ERN2: variants seen among roughly 807,000 people sequenced by gnomAD.
The protein encoded by ERN2 is serine/threonine-protein kinase/endoribonuclease IRE2.
ERN2 carries 111 observed loss-of-function variants against 107.9 expected under a neutral mutation model. The observed-to-expected ratio is 1.03, with a 90% CI of 0.88 to 1.20. The LOEUF is 1.20. Among genes scored for constraint, ERN2 ranks in the 50% most tolerant of loss-of-function variants. ERN2 has a pLI of 0.00. For synonymous variants in ERN2, 524 were observed against 501.7 expected, an observed-to-expected ratio of 1.04 and a Z score of -0.59; for missense variants, 1,225 against 1,197.9, an observed-to-expected ratio of 1.02 and a Z score of -0.33.
chr16:23,691,239 T>C lies in ERN2; in HGVS notation c.2501-43A>G, dbSNP rs762844409. The C allele has an allele frequency of 1.9e-6, 3 of 1,611,904 alleles. No individual in the cohort carries two copies. The South Asian group carries it at 3.3e-5, about 18-fold the overall frequency. On this transcript the variant is annotated intron_variant, in intron 20 of 21. Transcript: ENST00000256797. Reference sequence around the variant, plus strand: ...AGTGGCAAAACCGTCCCTGCTAGACTCCCCTCCACCGCCCAGGCCCACTCC... The same window carrying C: ...AGTGGCAAAACCGTCCCTGCTAGACCCCCCTCCACCGCCCAGGCCCACTCC...
intron 4 of ERN2, 34 bp from the exon 5 acceptor site, chr16:23,707,113 A>G: frequency 6.7e-7 from 1 of 1,484,678 alleles, no homozygotes; most frequent in Non-Finnish European, 9.4e-7. Flanking sequence ...AAGGAGTAAG[A>G]GCAGCAACAC....
Position 23,705,065 on chromosome 16 carries a change from G to A in ERN2, c.672C>T (p.Asp224=), listed in dbSNP as rs1960244512. 1.9e-6 allele frequency: 3 copies of A among 1,613,980 alleles called. No individual in the cohort carries two copies. The highest frequency in any genetic ancestry group is 2.5e-6 in the Non-Finnish European group (3 of 1,179,988). ...AGACGCCCATCACAGGCACGCCCAG[G>A]TCCTGTGTCCACAGCACCGTCCCGC... is the stretch of plus-strand genomic sequence containing the variant. The part of the protein sequence containing the change: ...PGSGTVLWTQ[D]LGVPVMGVYT... The change falls in exon 8 of 22, where the codon GAC becomes GAT. Residue 224 remains aspartate (D), a synonymous_variant. Coordinates refer to ENST00000256797, the MANE Select transcript of ERN2 (RefSeq NM_033266.4).
In ERN2 at chr16:23,690,911, C is replaced by T. The variant is rs759166928; in HGVS notation, c.2701G>A (p.Ala901Thr). Residue 901 changes from alanine (A) to threonine (T), a missense_variant, in exon 22 of 22, where the codon GCC becomes ACC. Transcript: ENST00000256797. ...TAGGGCAGGAAGAGGCTCTCAGAGG[C>T]GCAGCTCCTCATGGCTCGGTGCGTG... ...LHTHRAMRSC[A>T]SESLFLPYYP... 4 of 1,614,114 alleles carry T rather than the reference C, an allele frequency of 2.5e-6. No homozygotes were observed. Among genetic ancestry groups the T allele is most frequent in the Non-Finnish European group, 3.4e-6 (4 of 1,180,038 alleles).
chr16:23,697,326 G>T (rs1005511069), intron 13 of ERN2: 3 of 152,126 alleles, frequency 2.0e-5, no homozygotes, highest in Non-Finnish European at 2.9e-5. Context: ...CAGTACCTTT[G>T]GTATACACTG....
In ERN2 at chr16:23,695,961, C is replaced by G. The variant is rs778719518; in HGVS notation, c.1543G>C (p.Val515Leu). 1 of 1,614,146 alleles carries G rather than the reference C, an allele frequency of 6.2e-7. No homozygotes were observed. The highest frequency in any genetic ancestry group is 8.5e-7 in the Non-Finnish European group (1 of 1,179,974). Reference protein sequence around the residue: ...DDPEAEQLTVVGKISFNPKDV... With the variant: ...DDPEAEQLTVLGKISFNPKDV... The stretch of plus-strand genomic sequence containing the variant: ...TTGGGATTGAAGGAAATCTTCCCCA[C>G]TACGGTGAGTTGCTCAGCTGGGGGA... The change falls in exon 14 of 22, where the codon GTG (valine) becomes CTG (leucine). Residue 515 changes from valine (V) to leucine (L), a missense_variant. Coordinates refer to ENST00000256797, the MANE Select transcript of ERN2 (RefSeq NM_033266.4).
intron 13 of ERN2, among the ~76,000 whole-genome samples, chr16:23,700,256 G>C (rs916203514): frequency 6.6e-6 from 1 of 152,160 alleles, no homozygotes; most frequent in Non-Finnish European, 1.5e-5. Context: ...AGGATTTCTT[G>C]AGCCCAGGAG....
rs1959620552 is a variant in ERN2 at position 23,692,090 on chromosome 16, T to G, written c.2249A>C (p.Asp750Ala). The G allele has an allele frequency of 6.2e-7, 1 of 1,613,732 alleles. No individual in the cohort carries two copies. Among genetic ancestry groups the G allele is most frequent in the Non-Finnish European group, 8.5e-7 (1 of 1,180,022 alleles). The change falls in exon 19 of 22, where the codon GAC (aspartate) becomes GCC (alanine). Residue 750 changes from aspartate to alanine, a missense_variant and splice_region_variant. Transcript: ENST00000256797. ...AACCAGGTCCCGGGCAACCACCTTG[T>G]CTGGAGGATGGAAGAGGAGGAGGAG... ...CLAHLEEEVH[D>A]KVVARDLVGA... is the part of the protein sequence containing the mutation.
Position 23,702,266 on chromosome 16 carries a change from G to A in ERN2, c.1089C>T (p.His363=), listed in dbSNP as rs368051154. 6.4e-5 allele frequency: 104 copies of A among 1,613,968 alleles called. No homozygotes were observed. The East Asian group carries it at 7.8e-4, about 12-fold the overall frequency. ...LPSQWLLIGH[H]ELPPVLHTTM... is the part of the protein sequence containing the mutation. ...TGGTGTGCAGGACTGGGGGTAGCTC[G>A]TGGTGTCCTAAGGTGGGGGGCAAAA... The change falls in exon 11 of 22, where the codon CAC becomes CAT. Residue 363 remains histidine (H), a synonymous_variant. Coordinates refer to ENST00000256797, the MANE Select transcript of ERN2 (RefSeq NM_033266.4).
At chr16:23,705,880 C>G (rs1235221208) in intron 7 of ERN2, among the ~76,000 whole-genome samples, 2 of 152,152 alleles carry the variant, frequency 1.3e-5, no homozygotes, top group African/African-American at 4.8e-5. Context: ...CAGTACTGCA[C>G]TCCAGCCTGG....
intron 7 of ERN2, 200 bp downstream of exon 7, chr16:23,706,130 G>C (rs1960296508): frequency 5.8e-6 from 3 of 517,956 alleles, no homozygotes; most frequent in Non-Finnish European, 1.0e-5. Context: ...TGAGGGATTG[G>C]CCAGGGTTCA....
chr16:23,710,640 G>C, intron 2 of ERN2, 91 bp from the exon 3 acceptor site: 2 of 1,404,490 alleles, frequency 1.4e-6, no homozygotes, highest in Non-Finnish European at 2.0e-6. Context: ...GCATGACTGT[G>C]ATGTCAAGCA....
At chr16:23,704,470 G>A (rs1013951020) in intron 8 of ERN2, among the ~76,000 whole-genome samples, 3 of 152,126 alleles carry the variant, frequency 2.0e-5, no homozygotes, top group East Asian at 1.9e-4. Flanking sequence ...TTTGCCTGCC[G>A]CCATCCACGT....
In ERN2 at chr16:23,700,344, A is replaced by T. The variant is rs567638804; in HGVS notation, c.1525+195T>A. ...AGAGCAAGATCCTGTCTCCAAAAAA[A>T]TAATGATGAAAAAATGACAGCAGAC... On this transcript the variant is annotated intron_variant, in intron 13 of 21. Coordinates refer to ENST00000256797, the MANE Select transcript of ERN2 (RefSeq NM_033266.4). Among the ~76,000 whole-genome samples, 693 of 152,346 alleles carry T rather than the reference A, an allele frequency of 4.5e-3. 4 individuals carry two copies. Among genetic ancestry groups the T allele is most frequent in the Non-Finnish European group, 6.7e-3 (457 of 68,036 alleles).
At chr16:23,696,049 T>G in intron 13 of ERN2, 71 bp from the exon 14 acceptor site, 1 of 1,161,464 alleles carries the variant, frequency 8.6e-7, no homozygotes, top group Non-Finnish European at 1.3e-6. Flanking sequence ...CAGTCCAGAC[T>G]CACCTTGACA....
intron 1 of ERN2, 57 bp downstream of exon 1, chr16:23,713,038 G>GC: frequency 3.7e-6 from 5 of 1,334,320 alleles, no homozygotes; most frequent in Non-Finnish European, 4.9e-6. Context: ...GTGCGACGCC[G>GC]CCCCCTGCGC....
intron 10 of ERN2, 56 bp from the exon 11 acceptor site, chr16:23,702,329 G>GA: frequency 6.2e-7 from 1 of 1,611,606 alleles, no homozygotes; most frequent in Non-Finnish European, 8.5e-7. Context: ...TTCCAGCTCA[G>GA]AAGCTGGGCT....
At chr16:23,706,554 G>T in intron 6 of ERN2, 123 bp from the exon 7 acceptor site, 2 of 801,078 alleles carry the variant, frequency 2.5e-6, no homozygotes, top group Non-Finnish European at 4.1e-6. Context: ...CTGGAAGCCT[G>T]TGAACATCAC....
At chr16:23,706,291 C>A in intron 7 of ERN2, 39 bp downstream of exon 7, 3 of 1,388,092 alleles carry the variant, frequency 2.2e-6, no homozygotes, top group Non-Finnish European at 2.9e-6. Context: ...GGGTTGGGGA[C>A]CTTGCTCCAA....
At position 23,694,929 on chromosome 16, in the gene ERN2, T is replaced by C. The variant is rs1959740988; in HGVS notation, c.1901-2A>G. The C allele has an allele frequency of 1.2e-6, 2 of 1,613,904 alleles. No homozygotes were observed. The highest frequency in any genetic ancestry group is 1.3e-5 in the African/African-American group (1 of 74,914). ...TTCCTGGCTTCAGGTCCCGGTGCAC[T>C]GTGGGAGAGGGGCAGAAAGAAAGCT... On this transcript the variant is annotated splice_acceptor_variant, in intron 16 of 21. Coordinates refer to ENST00000256797, the MANE Select transcript of ERN2 (RefSeq NM_033266.4). LOFTEE classifies it high-confidence loss of function.
Sources: gnomAD v4.1 joint callset for allele counts (sites outside exome capture counted in the v4.1 genomes callset) on GRCh38, gnomAD v4.1.1 for gene constraint, MANE v1.5 for transcripts, NCBI Gene and HGNC (gene_info 2026-07-23, HGNC 2026-07-21) for gene names.